KIAA0825: variants seen among roughly 807,000 people sequenced by gnomAD.
KIAA0825 encodes KIAA0825.
In KIAA0825, 119 loss-of-function variants were observed where a neutral mutation model predicts 147.6. The observed-to-expected ratio is 0.81, with a 90% CI of 0.69 to 0.94. The LOEUF (loss-of-function observed/expected upper bound fraction) is 0.94, where lower values mean the gene tolerates loss of function less well. Among genes scored for constraint, KIAA0825 ranks in the 40% least tolerant of loss-of-function variants. The pLI is 0.00. For synonymous variants in KIAA0825, 470 were observed against 518.1 expected, an observed-to-expected ratio of 0.91 and a Z score of 1.26; for missense variants, 1,381 against 1,472.7, an observed-to-expected ratio of 0.94 and a Z score of 1.02.
intron 20 of KIAA0825, among the ~76,000 whole-genome samples, chr5:94,366,389 G>A (rs1745861042): frequency 6.6e-6 from 1 of 151,978 alleles, no homozygotes; most frequent in South Asian, 2.1e-4. Flanking sequence ...GCACCTAATA[G>A]AGACTGCTCT....
chr5:94,175,998 T>C, intron 20 of KIAA0825, among the ~76,000 whole-genome samples: 1 of 152,184 alleles, frequency 6.6e-6, no homozygotes, highest in African/African-American at 2.4e-5. Flanking sequence ...CTGAATTCCG[T>C]ATCAAATTTA....
intron 5 of KIAA0825, among the ~76,000 whole-genome samples, chr5:94,514,082 A>C (rs1766873087): frequency 6.6e-6 from 1 of 152,174 alleles, no homozygotes; most frequent in Non-Finnish European, 1.5e-5. Context: ...TAAATAAAAA[A>C]TATAGATGCA....
chr5:94,407,708 G>A (rs754933533), intron 15 of KIAA0825, among the ~76,000 whole-genome samples: 1 of 152,126 alleles, frequency 6.6e-6, no homozygotes, highest in Non-Finnish European at 1.5e-5. Context: ...ATGGGTACAG[G>A]GTTTCTTTTT....
At chr5:94,538,826 G>A (rs981111172) in intron 2 of KIAA0825, among the ~76,000 whole-genome samples, 13 of 152,130 alleles carry the variant, frequency 8.5e-5, no homozygotes, top group African/African-American at 3.1e-4. Flanking sequence ...TCTATCAGTG[G>A]GTATCTCCTT....
rs549574833 is a variant in KIAA0825, at chr5:94,415,974, C to T, written c.2662+1227G>A. 8.5e-5 allele frequency: 13 copies of T among 152,202 alleles called. No homozygotes were observed. The South Asian group carries it at 2.7e-3, about 32-fold the overall frequency. 9.4% of individuals were successfully genotyped at this position (152,202 alleles called of 1,614,324 possible). A position where few individuals can be genotyped will look rare whatever the true frequency, so the allele number is the denominator to read the frequency against. On this transcript the variant is annotated intron_variant, in intron 15 of 20. Transcript: ENST00000682413. ...TGTGAGAAAATCCAGCTCTTACTTC[C>T]CCAGAAACAACTAAAATCAGCAGAG... is the stretch of plus-strand genomic sequence containing the variant.
At chr5:94,272,157 T>C (rs1305150449) in intron 20 of KIAA0825, among the ~76,000 whole-genome samples, 2 of 128,686 alleles carry the variant, frequency 1.6e-5, no homozygotes, top group Non-Finnish European at 1.6e-5. Context: ...CTCATGGAGA[T>C]AGAGTAGAAA....
chr5:94,610,786 A>AAAAAAT (rs1788592200), intron 1 of KIAA0825, among the ~76,000 whole-genome samples: 1 of 113,686 alleles, frequency 8.8e-6, no homozygotes. Flanking sequence ...AAAAAAAAAA[A>AAAAAAT]GTATATATAT....
chr5:94,571,555 A>C (rs749298641), intron 2 of KIAA0825, among the ~76,000 whole-genome samples: 5 of 152,248 alleles, frequency 3.3e-5, no homozygotes, highest in Admixed American at 2.0e-4. Flanking sequence ...GTCATGCCTG[A>C]CAGAGTGGTA....
intron 20 of KIAA0825, among the ~76,000 whole-genome samples, chr5:94,316,992 T>G (rs576406711): frequency 1.3e-5 from 2 of 151,888 alleles, no homozygotes; most frequent in African/African-American, 4.8e-5. Flanking sequence ...ACAAGTGATA[T>G]GAGAAAGAGG....
At chr5:94,561,122 A>T (rs1218233825) in intron 2 of KIAA0825, among the ~76,000 whole-genome samples, 2 of 152,188 alleles carry the variant, frequency 1.3e-5, no homozygotes, top group African/African-American at 4.8e-5. Flanking sequence ...GGGACTTGGG[A>T]TTGAGACCAA....
chr5:94,573,128 T>TGG (rs200454262), intron 2 of KIAA0825, among the ~76,000 whole-genome samples: 1 of 27,746 alleles, frequency 3.6e-5, no homozygotes, highest in Admixed American at 4.2e-4. Flanking sequence ...TTGGGGGGGT[T>TGG]GGGGGGGTTG....
rs548835087 is a variant in KIAA0825, at chr5:94,535,722, T to G, written c.131+1274A>C. On this transcript the variant is annotated intron_variant, in intron 3 of 20. Transcript: ENST00000682413. ...CAGTTCCTGTGGGAGAGTAAGAGCCTAACTTCAGTGGTTGCCTGTTGCAAT... is the reference window on the plus strand; with the variant it reads ...CAGTTCCTGTGGGAGAGTAAGAGCCGAACTTCAGTGGTTGCCTGTTGCAAT... 4.6e-5 allele frequency among the ~76,000 whole-genome samples: 7 copies of G among 152,258 alleles called. No individual in the cohort carries two copies. In the South Asian group the frequency reaches 1.4e-3, roughly 32 times the overall value.
At chr5:94,297,227 A>G (rs1215935232) in intron 20 of KIAA0825, among the ~76,000 whole-genome samples, 1 of 152,188 alleles carries the variant, frequency 6.6e-6, no homozygotes, top group African/African-American at 2.4e-5. Context: ...GCTGGCTTCA[A>G]ATACAGTTAT....
chr5:94,320,408 C>T (rs1454279110), intron 20 of KIAA0825, among the ~76,000 whole-genome samples: 1 of 150,216 alleles, frequency 6.7e-6, no homozygotes, highest in East Asian at 2.0e-4. Context: ...CCCTACTCTA[C>T]CTTCGAACAC....
chr5:94,577,067 C>A (rs1781191276), intron 2 of KIAA0825, among the ~76,000 whole-genome samples: 1 of 152,180 alleles, frequency 6.6e-6, no homozygotes, highest in African/African-American at 2.4e-5. Flanking sequence ...ATTTTCTATT[C>A]TATTGCTTTT....
At chr5:94,580,345 T>C (rs1368480664) in intron 2 of KIAA0825, among the ~76,000 whole-genome samples, 5 of 152,308 alleles carry the variant, frequency 3.3e-5, no homozygotes, top group East Asian at 1.9e-4. Flanking sequence ...TTTTCCAACA[T>C]AGGTGATCAA....
At chr5:94,423,321 C>T (rs544302445) in intron 14 of KIAA0825, among the ~76,000 whole-genome samples, 1 of 152,186 alleles carries the variant, frequency 6.6e-6, no homozygotes, top group Non-Finnish European at 1.5e-5. Context: ...ATTTCATTTG[C>T]CTTCTTTATC....
intron 1 of KIAA0825, among the ~76,000 whole-genome samples, chr5:94,614,663 A>G (rs1043201091): frequency 6.6e-6 from 1 of 151,956 alleles, no homozygotes; most frequent in Admixed American, 6.6e-5. Context: ...CACAAACTCA[A>G]TATTACCTTT....
At chr5:94,327,686 A>G (rs1780835715) in intron 20 of KIAA0825, among the ~76,000 whole-genome samples, 1 of 152,148 alleles carries the variant, frequency 6.6e-6, no homozygotes. Context: ...ATAAACTAAT[A>G]CTTTCAAGAG....
Sources: gnomAD v4.1 joint callset for allele counts (sites outside exome capture counted in the v4.1 genomes callset) on GRCh38, gnomAD v4.1.1 for gene constraint, MANE v1.5 for transcripts, NCBI Gene and HGNC (gene_info 2026-07-23, HGNC 2026-07-21) for gene names.